Variants in CELF5 observed in about 807,000 individuals in gnomAD.
CELF5 encodes CUG-BP and ETR-3 like factor 5.
In CELF5, 6 loss-of-function variants were observed where a neutral mutation model predicts 54.9. The ratio of observed to expected loss-of-function variants is 0.11; its 90% confidence interval spans 0.06 to 0.22. CELF5 has a LOEUF of 0.22. Ranked by LOEUF, CELF5 falls within the 10% of genes least tolerant of loss-of-function variation. The probability of loss-of-function intolerance (pLI) is 1.00; values close to 1 mark genes in which losing one functional copy is unlikely to be tolerated. For synonymous variants in CELF5, 271 were observed against 290.9 expected, an observed-to-expected ratio of 0.93 and a Z score of 0.70; for missense variants, 401 against 678.6, an observed-to-expected ratio of 0.59 and a Z score of 4.54.
intron 2 of CELF5, 60 bp from the exon 3 acceptor site, chr19:3,273,812 C>A (rs900626163): frequency 4.5e-5 from 54 of 1,211,002 alleles, no homozygotes; most frequent in Non-Finnish European, 6.4e-5. Context: ...CAGGCAAAAC[C>A]CCCCGCCTGC....
intron 4 of CELF5, among the ~76,000 whole-genome samples, chr19:3,277,344 G>T (rs1380975024): frequency 6.6e-6 from 1 of 152,012 alleles, no homozygotes; most frequent in African/African-American, 2.4e-5. Flanking sequence ...GTGGTGGCAG[G>T]CGCCTGTAAT....
intron 10 of CELF5, chr19:3,286,393 C>G (rs2080248760): frequency 4.2e-6 from 1 of 240,048 alleles, no homozygotes; most frequent in African/African-American, 2.2e-5. Context: ...CCAAGGCTGT[C>G]GAAGGAGGGA....
In CELF5 at chr19:3,281,247, C is replaced by A. The variant is rs1441019100; in HGVS notation, c.652C>A (p.Arg218=). 1.2e-6 allele frequency: 2 copies of A among 1,610,608 alleles called. No individual in the cohort carries two copies. The highest frequency in any genetic ancestry group is 1.7e-6 in the Non-Finnish European group (2 of 1,179,874). The change falls in exon 6 of 13, where the codon CGG becomes AGG. Residue 218 remains arginine, a synonymous_variant. Transcript: ENST00000292672. This position sits in a 1 kb window ranked among gnomAD's most constrained non-coding sequence, Gnocchi z 6.5. ...VVKFADTDKE[R]TLRRMQQMVG... ...CAAGTTCGCCGACACGGACAAGGAGCGGACGCTCCGGCGCATGCAGCAGAT... is the reference window on the plus strand; with the variant it reads ...CAAGTTCGCCGACACGGACAAGGAGAGGACGCTCCGGCGCATGCAGCAGAT...
At chr19:3,253,521 A>G (rs1171538719) in intron 2 of CELF5, among the ~76,000 whole-genome samples, 1 of 152,160 alleles carries the variant, frequency 6.6e-6, no homozygotes, top group East Asian at 1.9e-4. Context: ...ACACGTAACC[A>G]AAGAGTGATC....
chr19:3,278,001 C>T lies in CELF5; in HGVS notation c.524-30C>T, dbSNP rs547279294. 4 of 1,597,004 alleles carry T rather than the reference C, an allele frequency of 2.5e-6. No individual in the cohort carries two copies. Among genetic ancestry groups the T allele is most frequent in the East Asian group, 4.5e-5 (2 of 44,790 alleles). ...TCAGCCAGTCCTGTGACCCCATCAC[C>T]CTCTACCTCTTCTTCTTCTCTTGGA... is the stretch of plus-strand genomic sequence containing the variant. On this transcript the variant is annotated intron_variant, in intron 4 of 12. Transcript: ENST00000292672. This position sits in a 1 kb window ranked among gnomAD's most constrained non-coding sequence, Gnocchi z 4.5.
At chr19:3,273,509 T>C (rs1019829324) in intron 2 of CELF5, among the ~76,000 whole-genome samples, 2 of 152,088 alleles carry the variant, frequency 1.3e-5, no homozygotes, top group African/African-American at 4.8e-5. Flanking sequence ...TCACAGCAAG[T>C]CACTTGGCCA....
intron 11 of CELF5, 26 bp from the exon 12 acceptor site, chr19:3,293,293 A>G (rs2080381198): frequency 6.2e-7 from 1 of 1,613,474 alleles, no homozygotes; most frequent in African/African-American, 1.3e-5. Context: ...AGCGCCAACC[A>G]CGGAGGTCCA....
In CELF5 at chr19:3,282,539, G is replaced by T; in HGVS notation, c.1039+41G>T. On this transcript the variant is annotated intron_variant, in intron 8 of 12. Transcript: ENST00000292672. This position sits in a 1 kb window ranked among gnomAD's most constrained non-coding sequence, Gnocchi z 5.2. ...CCTCTGGGGCCTAGGAGAGTGGTGGGGAATAAAGATGGTGTTTCTGGAACA... is the reference window on the plus strand; with the variant it reads ...CCTCTGGGGCCTAGGAGAGTGGTGGTGAATAAAGATGGTGTTTCTGGAACA... The T allele has an allele frequency of 6.3e-7, 1 of 1,578,400 alleles. No individual in the cohort carries two copies.
chr19:3,251,354 C>T (rs1010320382), intron 2 of CELF5, among the ~76,000 whole-genome samples: 3 of 152,122 alleles, frequency 2.0e-5, no homozygotes, highest in Non-Finnish European at 4.4e-5. Flanking sequence ...GGGTTGAGAC[C>T]TGAAGGATAA....
At chr19:3,235,894 C>T (rs565559084) in intron 1 of CELF5, among the ~76,000 whole-genome samples, 2 of 150,024 alleles carry the variant, frequency 1.3e-5, no homozygotes, top group East Asian at 4.0e-4. Flanking sequence ...GGATGATGGA[C>T]AAGTGGATGG....
intron 9 of CELF5, 125 bp downstream of exon 9, chr19:3,285,089 G>A: frequency 4.4e-6 from 3 of 681,318 alleles, no homozygotes; most frequent in South Asian, 3.6e-5. Context: ...CTCTGGCCCC[G>A]CCCCTCAGGG....
At chr19:3,238,214 CA>C (rs2079444041) in intron 1 of CELF5, among the ~76,000 whole-genome samples, 1 of 152,056 alleles carries the variant, frequency 6.6e-6, no homozygotes, top group African/African-American at 2.4e-5. Flanking sequence ...ATTAGCTGGG[CA>C]GTAGTGGCAA....
chr19:3,277,292 G>A (rs1479107956), intron 4 of CELF5, among the ~76,000 whole-genome samples: 1 of 152,110 alleles, frequency 6.6e-6, no homozygotes, highest in Non-Finnish European at 1.5e-5. Context: ...TGGCCAAGAT[G>A]GTGAAACCCG....
intron 1 of CELF5, among the ~76,000 whole-genome samples, chr19:3,242,987 A>G (rs2079512897): frequency 6.6e-6 from 1 of 151,924 alleles, no homozygotes; most frequent in African/African-American, 2.4e-5. Flanking sequence ...AATAATAATA[A>G]TAAAGCCTGG....
chr19:3,288,027 G>A (rs572229564), intron 10 of CELF5, among the ~76,000 whole-genome samples: 1 of 152,320 alleles, frequency 6.6e-6, no homozygotes, highest in South Asian at 2.1e-4. Flanking sequence ...GATGGGGAAG[G>A]TGCAGCTCAC....
chr19:3,284,937 G>A lies in CELF5; in HGVS notation c.1075G>A (p.Ala359Thr). Residue 359 changes from alanine to threonine, a missense_variant, in exon 9 of 13, where the codon GCC becomes ACC. By Grantham distance (58) the Ala-to-Thr change is moderately conservative. Coordinates refer to ENST00000292672, the MANE Select transcript of CELF5 (RefSeq NM_021938.4). ...GACTGTGGCCGAGACACTGCATCCT[G>A]CCTTCTCCGGAGTCCAGCAGTACAC... ...SPTVAETLHP[A>T]FSGVQQYTAM... The A allele has an allele frequency of 6.2e-7, 1 of 1,612,556 alleles. No homozygotes were observed. The highest frequency in any genetic ancestry group is 2.2e-5 in the East Asian group (1 of 44,848).
chr19:3,260,120 C>A (rs772837731), intron 2 of CELF5, among the ~76,000 whole-genome samples: 4 of 152,028 alleles, frequency 2.6e-5, no homozygotes, highest in African/African-American at 4.8e-5. Flanking sequence ...TTCTATTTTT[C>A]TTTTTTTATT....
intron 2 of CELF5, among the ~76,000 whole-genome samples, chr19:3,259,575 A>T (rs2079779707): frequency 6.6e-6 from 1 of 151,966 alleles, no homozygotes; most frequent in Non-Finnish European, 1.5e-5. Context: ...CCTGGGACTC[A>T]CCTCCTGTCT....
chr19:3,241,065 CTT>C (rs529201613), intron 1 of CELF5, among the ~76,000 whole-genome samples: 16 of 139,404 alleles, frequency 1.1e-4, no homozygotes, highest in Non-Finnish European at 6.3e-5. Flanking sequence ...AAGATCAGTT[CTT>C]TTTTTTTTTT....
Sources: gnomAD v4.1 joint callset for allele counts (sites outside exome capture counted in the v4.1 genomes callset) on GRCh38, gnomAD v4.1.1 for gene constraint, Gnocchi (gnomAD v3.1) non-coding constraint, MANE v1.5 for transcripts, NCBI Gene and HGNC (gene_info 2026-07-23, HGNC 2026-07-21) for gene names.